Variants in CEP63 observed in about 807,000 individuals in gnomAD.
The protein encoded by CEP63 is centrosomal protein of 63 kDa.
CEP63 carries 84 observed loss-of-function variants against 89.1 expected under a neutral mutation model. The observed-to-expected ratio is 0.94, with a 90% CI of 0.79 to 1.13. CEP63 has a LOEUF of 1.13. Among genes scored for constraint, CEP63 ranks in the 50% most tolerant of loss-of-function variants. CEP63 has a pLI of 0.00. For missense variants in CEP63, 838 were observed against 813.3 expected (o/e 1.03, Z -0.37); for synonymous variants, 267 against 272.5 (o/e 0.98, Z 0.20).
the CEP63 span, among the ~76,000 whole-genome samples, chr3:134,761,511 G>A: frequency 6.6e-6 from 1 of 152,258 alleles, no homozygotes; most frequent in Admixed American, 6.5e-5. Flanking sequence ...TGAAAGCCGA[G>A]GAAAGAAAAA....
chr3:134,744,370 A>C, the CEP63 span, among the ~76,000 whole-genome samples: 1 of 152,188 alleles, frequency 6.6e-6, no homozygotes, highest in African/African-American at 2.4e-5. Context: ...TTAGATTCTC[A>C]GAAGGATGTG....
At chr3:134,705,334 G>A in the CEP63 span, among the ~76,000 whole-genome samples, 1 of 152,084 alleles carries the variant, frequency 6.6e-6, no homozygotes, top group East Asian at 1.9e-4. Context: ...AAACCTGAGT[G>A]GGGGGTCTTA....
chr3:134,578,609 C>T (rs1053005661), downstream of CEP63, among the ~76,000 whole-genome samples: 5 of 152,042 alleles, frequency 3.3e-5, no homozygotes, highest in South Asian at 2.1e-4. Context: ...GGGTTACAGG[C>T]GTGAGCCACC....
intron 3 of CEP63, among the ~76,000 whole-genome samples, chr3:134,525,921 A>G (rs865839825): frequency 3.9e-5 from 6 of 152,158 alleles, no homozygotes; most frequent in Middle Eastern, 3.4e-3. Flanking sequence ...CCTGGGAATG[A>G]TCTTGTGAAG....
At chr3:134,516,948 A>G (rs7433663) in intron 3 of CEP63, among the ~76,000 whole-genome samples, 100,476 of 151,972 alleles carry the variant, frequency 0.66, 33,598 homozygotes, top group East Asian at 0.81. Flanking sequence ...GGAAGTGTTG[A>G]GGAGTTAATA....
the CEP63 span, among the ~76,000 whole-genome samples, chr3:134,691,576 C>T: frequency 6.6e-6 from 1 of 151,756 alleles, no homozygotes; most frequent in Non-Finnish European, 1.5e-5. Context: ...TGAGATCACA[C>T]CACTGCTCTT....
At chr3:134,543,467 A>G (rs1160146082) in intron 6 of CEP63, among the ~76,000 whole-genome samples, 1 of 152,214 alleles carries the variant, frequency 6.6e-6, no homozygotes, top group Non-Finnish European at 1.5e-5. Context: ...TCAGTGAAAG[A>G]AGGTTATGTT....
the CEP63 span, among the ~76,000 whole-genome samples, chr3:134,751,441 T>A: frequency 6.6e-6 from 1 of 152,196 alleles, no homozygotes; most frequent in Admixed American, 6.5e-5. Flanking sequence ...CTACATGCTT[T>A]TAGTTCAGGG....
At chr3:134,616,210 C>T in the CEP63 span, among the ~76,000 whole-genome samples, 3 of 152,178 alleles carry the variant, frequency 2.0e-5, no homozygotes, top group South Asian at 2.1e-4. Flanking sequence ...CAGTTACAAG[C>T]TATAGCATTA....
At chr3:134,596,615 A>G in the CEP63 span, among the ~76,000 whole-genome samples, 1 of 152,136 alleles carries the variant, frequency 6.6e-6, no homozygotes, top group African/African-American at 2.4e-5. Context: ...ATGGTTATGG[A>G]CTGCTAGGCA....
At chr3:134,494,507 A>T (rs957062303) in intron 1 of CEP63, among the ~76,000 whole-genome samples, 3 of 151,974 alleles carry the variant, frequency 2.0e-5, no homozygotes, top group Admixed American at 6.6e-5. Context: ...ACCAGTTTGC[A>T]TGGGGGAGAG....
the CEP63 span, among the ~76,000 whole-genome samples, chr3:134,596,254 C>T: frequency 3.9e-5 from 6 of 152,224 alleles, no homozygotes; most frequent in African/African-American, 1.4e-4. Context: ...GAATGCCTGA[C>T]AACCCTCTGC....
chr3:134,487,486 T>C (rs149272123), intron 1 of CEP63, among the ~76,000 whole-genome samples: 59 of 152,358 alleles, frequency 3.9e-4, no homozygotes, highest in African/African-American at 1.2e-3. Context: ...AGACCTTTGC[T>C]TAGTCCTTTC....
chr3:134,719,212 A>C, the CEP63 span, among the ~76,000 whole-genome samples: 2 of 151,922 alleles, frequency 1.3e-5, no homozygotes, highest in South Asian at 4.2e-4. Context: ...TATGTTGCCC[A>C]GGCTGGTCTT....
the CEP63 span, chr3:134,603,608 T>G: frequency 6.9e-6 from 11 of 1,595,144 alleles, no homozygotes; most frequent in East Asian, 2.5e-4. Flanking sequence ...TATTTCAGGA[T>G]GTAGGAGTAG....
At position 134,561,806 on chromosome 3, in the gene CEP63, ACTTAC is replaced by A. The variant is rs1221682478; in HGVS notation, c.*275_*279del. ...CGAATATTTATTATCATAAAGTGAT[ACTTAC>A]CTTGCTGACTTAAATGTGAATAGCT... is the stretch of plus-strand genomic sequence containing the variant. On this transcript the variant is annotated 3_prime_UTR_variant, in exon 15 of 15. Transcript: ENST00000675561. 11 of 1,243,194 alleles carry A rather than the reference ACTTAC, an allele frequency of 8.8e-6. No individual in the cohort carries two copies. Among genetic ancestry groups the A allele is most frequent in the Non-Finnish European group, 1.1e-5 (11 of 984,706 alleles). 77.0% of individuals were successfully genotyped at this position (1,243,194 alleles called of 1,614,324 possible).
chr3:134,609,916 T>C, the CEP63 span, among the ~76,000 whole-genome samples: 1 of 152,186 alleles, frequency 6.6e-6, no homozygotes, highest in Non-Finnish European at 1.5e-5. Context: ...TCATGTGTGG[T>C]CTGGGGGCAA....
intron 2 of CEP63, among the ~76,000 whole-genome samples, chr3:134,495,664 A>G (rs1029765564): frequency 3.9e-5 from 6 of 152,188 alleles, no homozygotes; most frequent in Admixed American, 3.9e-4. Flanking sequence ...TTACTGTGCT[A>G]TTTAACACTA....
At chr3:134,616,587 T>C in the CEP63 span, among the ~76,000 whole-genome samples, 3 of 152,096 alleles carry the variant, frequency 2.0e-5, no homozygotes, top group East Asian at 5.8e-4. Flanking sequence ...TCTCAGGCAG[T>C]GTGAGGAATT....
Sources: gnomAD v4.1 joint callset for allele counts (sites outside exome capture counted in the v4.1 genomes callset) on GRCh38, gnomAD v4.1.1 for gene constraint, MANE v1.5 for transcripts, NCBI Gene and HGNC (gene_info 2026-07-23, HGNC 2026-07-21) for gene names.